Variants in TMEM232 observed in about 807,000 individuals in gnomAD.
TMEM232 encodes transmembrane protein 232.
In TMEM232, 80 loss-of-function variants were observed where a neutral mutation model predicts 78.8. The ratio of observed to expected loss-of-function variants is 1.01; its 90% CI spans 0.85 to 1.22. The LOEUF (loss-of-function observed/expected upper bound fraction) is 1.22. TMEM232 is among the 50% of genes most tolerant of loss of function. The pLI, the probability that TMEM232 is intolerant of heterozygous loss-of-function variation, is 0.00. For missense variants in TMEM232, 881 were observed against 742.2 expected, an observed-to-expected ratio of 1.19 and a Z score of -2.17; for synonymous variants, 297 against 254.3, an observed-to-expected ratio of 1.17 and a Z score of -1.60.
intron 12 of TMEM232, among the ~76,000 whole-genome samples, chr5:110,426,503 G>T (rs897728792): frequency 6.6e-6 from 1 of 152,042 alleles, no homozygotes; most frequent in Admixed American, 6.6e-5. Flanking sequence ...CAACACTCTT[G>T]TGTTAGTGGA....
chr5:110,697,691 A>G (rs1210377029), intron 1 of TMEM232, among the ~76,000 whole-genome samples: 5 of 152,276 alleles, frequency 3.3e-5, no homozygotes, highest in African/African-American at 7.2e-5. Flanking sequence ...ACAGACACAT[A>G]AAAAAATGCT....
chr5:110,434,538 A>C (rs1286825415), intron 12 of TMEM232, among the ~76,000 whole-genome samples: 2 of 151,732 alleles, frequency 1.3e-5, no homozygotes, highest in Non-Finnish European at 3.0e-5. Context: ...ATATACAAAG[A>C]AACTGGTACA....
chr5:110,647,569 A>G (rs1271273681), intron 2 of TMEM232, among the ~76,000 whole-genome samples: 2 of 151,980 alleles, frequency 1.3e-5, no homozygotes, highest in Non-Finnish European at 2.9e-5. Context: ...CCTTTTAAAA[A>G]TGTAAATAAA....
At chr5:110,501,972 G>A (rs1325582624) in intron 12 of TMEM232, among the ~76,000 whole-genome samples, 1 of 152,022 alleles carries the variant, frequency 6.6e-6, no homozygotes, top group Non-Finnish European at 1.5e-5. Context: ...TAGAAATTTT[G>A]TGATAATAAG....
chr5:110,497,142 A>G (rs1215530561), intron 12 of TMEM232, among the ~76,000 whole-genome samples: 2 of 152,014 alleles, frequency 1.3e-5, no homozygotes, highest in Non-Finnish European at 2.9e-5. Context: ...GTTCCCTGAC[A>G]CTTTAAAAAA....
intron 2 of TMEM232, among the ~76,000 whole-genome samples, chr5:110,647,542 G>C (rs1442659058): frequency 6.6e-6 from 1 of 151,696 alleles, no homozygotes; most frequent in East Asian, 1.9e-4. Flanking sequence ...GTTTTTATGT[G>C]TTTCACAAAT....
intron 12 of TMEM232, among the ~76,000 whole-genome samples, chr5:110,508,635 C>A (rs1276606574): frequency 2.7e-5 from 4 of 150,402 alleles, no homozygotes; most frequent in Non-Finnish European, 5.9e-5. Context: ...TGTTCTAACA[C>A]TTCTGATTTC....
intron 11 of TMEM232, among the ~76,000 whole-genome samples, chr5:110,529,466 T>G (rs148799094): frequency 6.6e-6 from 1 of 152,050 alleles, no homozygotes; most frequent in Admixed American, 6.6e-5. Context: ...AGGCTGGTCT[T>G]GAACTCCTGA....
chr5:110,405,554 T>C (rs1270662455), intron 2 of TMEM232, among the ~76,000 whole-genome samples: 5 of 151,514 alleles, frequency 3.3e-5, no homozygotes, highest in Non-Finnish European at 5.9e-5. Context: ...AGATGAACTA[T>C]TGTGGGAGAG....
chr5:110,633,522 C>T (rs770553325), intron 5 of TMEM232, among the ~76,000 whole-genome samples: 9 of 152,072 alleles, frequency 5.9e-5, no homozygotes, highest in Non-Finnish European at 1.2e-4. Flanking sequence ...AGGGAGGTGA[C>T]TGAATCATGG....
At chr5:110,705,563 A>C (rs1185605467) in intron 1 of TMEM232, among the ~76,000 whole-genome samples, 1 of 152,066 alleles carries the variant, frequency 6.6e-6, no homozygotes, top group East Asian at 1.9e-4. Context: ...GCTAATTCAA[A>C]TGGAAGCAGA....
At chr5:110,697,008 G>A (rs2150252111) in intron 1 of TMEM232, among the ~76,000 whole-genome samples, 1 of 152,238 alleles carries the variant, frequency 6.6e-6, no homozygotes, top group Non-Finnish European at 1.5e-5. Flanking sequence ...TGAGCCAAAA[G>A]AACAAAGCTG....
chr5:110,648,372 T>TA (rs1333242199), intron 2 of TMEM232, among the ~76,000 whole-genome samples: 1 of 151,988 alleles, frequency 6.6e-6, no homozygotes, highest in Admixed American at 6.6e-5. Context: ...AAGACAGACA[T>TA]ACACACTGAC....
At chr5:110,407,816 C>G (rs1281913793) in intron 2 of TMEM232, among the ~76,000 whole-genome samples, 1 of 151,970 alleles carries the variant, frequency 6.6e-6, no homozygotes, top group African/African-American at 2.4e-5. Flanking sequence ...AAATATATAT[C>G]AAGTATTATC....
chr5:110,524,362 AAAAAGAAAGAAAG>A (rs1362152451), intron 12 of TMEM232, among the ~76,000 whole-genome samples: 1 of 106,454 alleles, frequency 9.4e-6, no homozygotes, highest in Non-Finnish European at 1.9e-5. Flanking sequence ...AAAGAAAGAA[AAAAAGAAAGAAAG>A]AAAGAAAGAA....
intron 12 of TMEM232, among the ~76,000 whole-genome samples, chr5:110,482,254 A>C (rs1220954446): frequency 1.3e-5 from 2 of 152,116 alleles, no homozygotes; most frequent in African/African-American, 4.8e-5. Flanking sequence ...AAATTTACTG[A>C]AACATGAAAG....
intron 12 of TMEM232, among the ~76,000 whole-genome samples, chr5:110,463,486 T>C (rs569701042): frequency 1.2e-4 from 19 of 152,322 alleles, no homozygotes; most frequent in African/African-American, 4.3e-4. Context: ...ACTTGCAATA[T>C]CTCTGAGTTA....
At chr5:110,591,659 T>G (rs1490469312) in intron 10 of TMEM232, among the ~76,000 whole-genome samples, 2 of 152,156 alleles carry the variant, frequency 1.3e-5, no homozygotes, top group Non-Finnish European at 2.9e-5. Flanking sequence ...CTTATCATAA[T>G]TATTAGGTAA....
intron 8 of TMEM232, among the ~76,000 whole-genome samples, chr5:110,613,527 A>G (rs969752657): frequency 2.0e-5 from 3 of 152,138 alleles, no homozygotes; most frequent in Non-Finnish European, 2.9e-5. Context: ...TACTCCTGCT[A>G]ATGGTCACTG....
Sources: allele counts gnomAD v4.1 joint callset (sites outside exome capture counted in the v4.1 genomes callset), GRCh38; gene constraint gnomAD v4.1.1; transcripts MANE v1.5; gene names NCBI Gene and HGNC (gene_info 2026-07-23, HGNC 2026-07-21).